The following FAR1 variants were observed in gnomAD, a reference collection of about 807,000 sequenced individuals.
FAR1 encodes the protein male sterility domain-containing protein 2.
FAR1 carries 22 observed loss-of-function variants against 61.1 expected under a neutral mutation model. That is an observed-to-expected ratio of 0.36 (90% confidence interval 0.26 to 0.51). The LOEUF is 0.51. Among genes scored for constraint, FAR1 ranks in the 20% least tolerant of loss-of-function variants. The probability of loss-of-function intolerance (pLI) is 0.95; values close to 1 mark genes in which losing one functional copy is unlikely to be tolerated. For missense variants in FAR1, 359 were observed against 626.9 expected, an observed-to-expected ratio of 0.57 and a Z score of 4.56; for synonymous variants, 206 against 209.7, an observed-to-expected ratio of 0.98 and a Z score of 0.15.
At chr11:13,696,207 C>T (rs1478238169) in intron 2 of FAR1, among the ~76,000 whole-genome samples, 1 of 152,138 alleles carries the variant, frequency 6.6e-6, no homozygotes, top group Non-Finnish European at 1.5e-5. Context: ...CCTGATACTC[C>T]TCTCCCCCCA....
chr11:13,691,663 A>G (rs1848251889), intron 1 of FAR1, among the ~76,000 whole-genome samples: 1 of 152,138 alleles, frequency 6.6e-6, no homozygotes, highest in Non-Finnish European at 1.5e-5. Flanking sequence ...CATTTGATAT[A>G]TTTTTGAGGT....
At chr11:13,709,102 T>C (rs1436154561) in intron 4 of FAR1, among the ~76,000 whole-genome samples, 1 of 152,182 alleles carries the variant, frequency 6.6e-6, no homozygotes, top group Non-Finnish European at 1.5e-5. Context: ...TTGAATTTTT[T>C]CCTCCTTTAT....
chr11:13,715,805 G>A (rs1164076820), intron 9 of FAR1: 1 of 152,090 alleles, frequency 6.6e-6, no homozygotes, highest in Admixed American at 6.5e-5. Context: ...TTACAGTGGA[G>A]TCGTTGATTG....
chr11:13,728,987 A>G lies in FAR1; in HGVS notation c.*213A>G. The G allele has an allele frequency of 2.4e-6, 1 of 415,348 alleles. No homozygotes were observed. Among genetic ancestry groups the G allele is most frequent in the Non-Finnish European group, 4.3e-6 (1 of 229,970 alleles). The allele number at this position is 415,348 out of a possible 1,614,324, so 25.7% of individuals were successfully genotyped here. A position where few individuals can be genotyped will look rare whatever the true frequency, so the allele number is the denominator to read the frequency against. On this transcript the variant is annotated 3_prime_UTR_variant, in exon 12 of 12. Transcript: ENST00000354817. ...TGTTATGCCAGCTCAAATCTACAGT[A>G]GCCACCAAAACCATGACTTAATATT...
chr11:13,669,921 G>C (rs1847977287), intron 1 of FAR1, among the ~76,000 whole-genome samples: 1 of 152,146 alleles, frequency 6.6e-6, no homozygotes, highest in Non-Finnish European at 1.5e-5. Context: ...AACATCAGAA[G>C]ATACTCTCAG....
Position 13,695,351 on chromosome 11 carries a change from AC to A in FAR1, c.189+398del, listed in dbSNP as rs373412269. Among the ~76,000 whole-genome samples, 24 of 151,802 alleles carry A rather than the reference AC, an allele frequency of 1.6e-4. No homozygotes were observed. In the South Asian group the frequency reaches 4.8e-3, roughly 30 times the overall value. On this transcript the variant is annotated intron_variant, in intron 2 of 11. Transcript: ENST00000354817. ...TTGATAAAATTTATAAACACCACTT[AC>A]TCCCCCACAACAGTATTAGGAGGTA...
intron 1 of FAR1, among the ~76,000 whole-genome samples, chr11:13,682,749 C>T (rs1259742120): frequency 6.6e-6 from 1 of 152,066 alleles, no homozygotes; most frequent in African/African-American, 2.4e-5. Context: ...GCTAGAATCA[C>T]AGGTGTGCAC....
intron 1 of FAR1, chr11:13,686,702 ATTGTT>A (rs1848190279): frequency 1.0e-5 from 1 of 97,130 alleles, no homozygotes; most frequent in Admixed American, 1.3e-4. Context: ...TCTCCTTTTA[ATTGTT>A]TTATCTGTTT....
At chr11:13,692,982 G>A (rs1287655518) in intron 1 of FAR1, among the ~76,000 whole-genome samples, 1 of 152,108 alleles carries the variant, frequency 6.6e-6, no homozygotes, top group Non-Finnish European at 1.5e-5. Context: ...GAATAGGGTG[G>A]TTGGTTTTGG....
chr11:13,720,067 C>G (rs1848594261), intron 9 of FAR1: 1 of 152,120 alleles, frequency 6.6e-6, no homozygotes. Context: ...GATAAATATT[C>G]TATAAATTTC....
Position 13,717,127 on chromosome 11 carries a change from CTTCCCCACT to C in FAR1, c.1127+2448_1127+2456del, listed in dbSNP as rs1848565377. ...TTCTACATGGAAAGGACAGTTGCTTCTTCCCCACTCATCCTGCCTTCCCCCTCGCGCCTC... is the reference window on the plus strand; with the variant it reads ...TTCTACATGGAAAGGACAGTTGCTTCCATCCTGCCTTCCCCCTCGCGCCTC... On this transcript the variant is annotated intron_variant, in intron 9 of 11. Coordinates refer to ENST00000354817, the MANE Select transcript of FAR1 (RefSeq NM_032228.6). Among the ~76,000 whole-genome samples the C allele has an allele frequency of 3.9e-5, 6 of 152,116 alleles. No homozygotes were observed. The South Asian group carries it at 1.2e-3, about 32-fold the overall frequency.
intron 1 of FAR1, among the ~76,000 whole-genome samples, chr11:13,683,301 G>T (rs1165758433): frequency 2.0e-5 from 3 of 151,892 alleles, no homozygotes; most frequent in Non-Finnish European, 4.4e-5. Flanking sequence ...GTTGAGGTAG[G>T]AGAATTGCTT....
At chr11:13,708,652 T>C (rs1848465797) in intron 4 of FAR1, among the ~76,000 whole-genome samples, 1 of 152,114 alleles carries the variant, frequency 6.6e-6, no homozygotes. Flanking sequence ...TTAGGGGCTC[T>C]CTTTTTCAGG....
intron 1 of FAR1, among the ~76,000 whole-genome samples, chr11:13,691,742 A>G (rs1039411154): frequency 2.0e-5 from 3 of 152,168 alleles, no homozygotes; most frequent in African/African-American, 4.8e-5. Flanking sequence ...CATTGTATGT[A>G]TAAACCACAA....
At chr11:13,676,765 A>T (rs1565337881) in intron 1 of FAR1, among the ~76,000 whole-genome samples, 1 of 152,224 alleles carries the variant, frequency 6.6e-6, no homozygotes, top group Non-Finnish European at 1.5e-5. Flanking sequence ...CTGTGCACAG[A>T]CTGTTCGAAG....
intron 3 of FAR1, among the ~76,000 whole-genome samples, chr11:13,704,903 G>C (rs1374601611): frequency 6.6e-6 from 1 of 152,138 alleles, no homozygotes; most frequent in Non-Finnish European, 1.5e-5. Flanking sequence ...AGGTCCAGGA[G>C]TCTGCATTTT....
At chr11:13,701,195 A>G (rs1302091651) in intron 3 of FAR1, among the ~76,000 whole-genome samples, 11 of 152,210 alleles carry the variant, frequency 7.2e-5, no homozygotes, top group Non-Finnish European at 1.5e-4. Flanking sequence ...AAAATGGTGT[A>G]GACTTGGTAT....
intron 10 of FAR1, among the ~76,000 whole-genome samples, chr11:13,725,288 G>A (rs1848657736): frequency 6.6e-6 from 1 of 152,096 alleles, no homozygotes; most frequent in Admixed American, 6.5e-5. Context: ...ATTCCAGAGG[G>A]CAGTGTATGA....
chr11:13,730,626 T>C lies in FAR1; in HGVS notation c.*1852T>C, dbSNP rs1848714589. The C allele has an allele frequency of 6.6e-6, 1 of 152,128 alleles. No homozygotes were observed. The highest frequency in any genetic ancestry group is 2.1e-4 in the South Asian group (1 of 4,834). 9.4% of individuals were successfully genotyped at this position (152,128 alleles called of 1,614,324 possible). On this transcript the variant is annotated 3_prime_UTR_variant, in exon 12 of 12. Coordinates refer to ENST00000354817, the MANE Select transcript of FAR1 (RefSeq NM_032228.6). ...AACATGCTAACATTTGTATGATTTT[T>C]ATACTTCTGCCGAATAGACTTAGAA...
Sources: gnomAD v4.1 joint callset for allele counts (sites outside exome capture counted in the v4.1 genomes callset) on GRCh38, gnomAD v4.1.1 for gene constraint, MANE v1.5 for transcripts, NCBI Gene and HGNC (gene_info 2026-07-23, HGNC 2026-07-21) for gene names.